TDP2: variants seen among roughly 807,000 people sequenced by gnomAD.
TDP2 encodes tyrosyl-DNA phosphodiesterase 2.
TDP2 carries 38 observed loss-of-function variants against 42.8 expected under a neutral mutation model. The observed-to-expected ratio is 0.89, with a 90% CI of 0.68 to 1.16. The LOEUF (loss-of-function observed/expected upper bound fraction) is 1.16, where lower values mean the gene tolerates loss of function less well. Among genes scored for constraint, TDP2 ranks in the 50% most tolerant of loss-of-function variants. The pLI, the probability that TDP2 is intolerant of heterozygous loss-of-function variation, is 0.00. For missense variants in TDP2, 439 were observed against 439.3 expected (o/e 1.00, Z 0.01); for synonymous variants, 173 against 150.6 (o/e 1.15, Z -1.09).
chr6:24,666,078 GAGT>G (rs1469061318), intron 2 of TDP2: 1 of 1,538,260 alleles, frequency 6.5e-7, no homozygotes, highest in Non-Finnish European at 8.7e-7. Flanking sequence ...GAAATAACAG[GAGT>G]AGGTGTGCAT....
chr6:24,666,146 C>T, intron 2 of TDP2: 5 of 1,550,334 alleles, frequency 3.2e-6, no homozygotes, highest in Non-Finnish European at 4.4e-6. Flanking sequence ...CAGCCTAGGG[C>T]CTAGAATAAA....
rs1178964711 is a variant in TDP2, at chr6:24,666,594, G to C, written c.183C>G (p.Tyr61Ter). 2 of 1,614,206 alleles carry C rather than the reference G, an allele frequency of 1.2e-6. No homozygotes were observed. The highest frequency in any genetic ancestry group is 3.3e-5 in the Admixed American group (2 of 60,028). ...DWEMERALNS[Y>*]FEPPVEESAL... ...CGCTCTCCTCCACCGGAGGCTCGAA[G>C]TAGGAGTTCAGAGCCCTCTGAAAAA... The change falls in exon 2 of 7, where the codon TAC becomes TAG. Residue 61 changes from tyrosine to a stop codon, truncating the protein, a stop_gained. Transcript: ENST00000378198. LOFTEE classifies it high-confidence loss of function.
At chr6:24,652,655 G>C (rs1420822695) in intron 6 of TDP2, among the ~76,000 whole-genome samples, 1 of 147,740 alleles carries the variant, frequency 6.8e-6, no homozygotes, top group African/African-American at 2.6e-5. Flanking sequence ...TTGCACCTAG[G>C]AATACTGCAA....
intron 2 of TDP2, chr6:24,666,172 G>A: frequency 6.4e-7 from 1 of 1,550,538 alleles, no homozygotes; most frequent in Non-Finnish European, 8.7e-7. Context: ...AATACAGGAA[G>A]CAAGGAGACT....
In TDP2 at chr6:24,666,522, T is replaced by C. The variant is rs751468909; in HGVS notation, c.251+4A>G. The C allele has an allele frequency of 2.5e-6, 4 of 1,613,928 alleles. No homozygotes were observed. Among genetic ancestry groups the C allele is most frequent in the Admixed American group, 1.7e-5 (1 of 60,036 alleles). Reference sequence around the variant, plus strand: ...GACTGGCTCCCGCTCCCCTCATCACTTACTAGGTCTTGGGCTCAGAGATGG... The same window carrying C: ...GACTGGCTCCCGCTCCCCTCATCACCTACTAGGTCTTGGGCTCAGAGATGG... On this transcript the variant is annotated splice_donor_region_variant and intron_variant, in intron 2 of 6. Coordinates refer to ENST00000378198, the MANE Select transcript of TDP2 (RefSeq NM_016614.3).
chr6:24,660,314 A>G (rs766100723), intron 2 of TDP2, among the ~76,000 whole-genome samples: 8 of 152,200 alleles, frequency 5.3e-5, no homozygotes, highest in Non-Finnish European at 8.8e-5. Context: ...TTATGCAAAC[A>G]TCATAGAGAG....
Position 24,657,829 on chromosome 6 carries a change from T to C in TDP2, c.500A>G (p.Asn167Ser). 3 of 1,565,328 alleles carry C rather than the reference T, an allele frequency of 1.9e-6. No individual in the cohort carries two copies. The highest frequency in any genetic ancestry group is 2.6e-6 in the Non-Finnish European group (3 of 1,151,004). ...ATTGTTACCTGTAATAATCTCATAA[T>C]TACTTGATCTCTTCTTTAGGTAGCT... ...YYSYLKKRSSNYEIITGHEEG... is the reference protein window; with the variant it reads ...YYSYLKKRSSSYEIITGHEEG... Residue 167 changes from asparagine to serine, a missense_variant, in exon 4 of 7, where the codon AAT becomes AGT. Coordinates refer to ENST00000378198, the MANE Select transcript of TDP2 (RefSeq NM_016614.3).
At chr6:24,652,861 G>T in intron 6 of TDP2, 122 bp downstream of exon 6, 1 of 1,055,916 alleles carries the variant, frequency 9.5e-7, no homozygotes, top group Non-Finnish European at 1.4e-6. Flanking sequence ...TGAATTGCAA[G>T]GTCACTTAAG....
At chr6:24,666,157 T>C (rs1057164915) in intron 2 of TDP2, 11 of 1,550,404 alleles carry the variant, frequency 7.1e-6, no homozygotes, top group East Asian at 4.9e-5. Context: ...CTAGAATAAA[T>C]AAACAATACA....
chr6:24,651,152 C>G, intron 6 of TDP2, 83 bp from the exon 7 acceptor site: 1 of 1,130,472 alleles, frequency 8.8e-7, no homozygotes, highest in Non-Finnish European at 1.2e-6. Flanking sequence ...GGTGTTTTTG[C>G]TATTACCGTG....
chr6:24,663,984 T>G (rs1322021226), intron 2 of TDP2, among the ~76,000 whole-genome samples: 1 of 152,180 alleles, frequency 6.6e-6, no homozygotes, highest in Non-Finnish European at 1.5e-5. Flanking sequence ...CTCTAAAACG[T>G]TGCTGTACAG....
intron 4 of TDP2, among the ~76,000 whole-genome samples, chr6:24,656,809 G>C (rs758701306): frequency 3.3e-5 from 5 of 152,110 alleles, no homozygotes; most frequent in Non-Finnish European, 5.9e-5. Context: ...AATATGCTGG[G>C]ATTCAAAAAC....
chr6:24,659,441 G>A (rs746030127), intron 2 of TDP2, among the ~76,000 whole-genome samples: 4 of 152,144 alleles, frequency 2.6e-5, no homozygotes, highest in Non-Finnish European at 4.4e-5. Context: ...CCTTAACCTT[G>A]GCAAAATAAA....
At chr6:24,652,102 A>G (rs1025708580) in intron 6 of TDP2, among the ~76,000 whole-genome samples, 3 of 152,262 alleles carry the variant, frequency 2.0e-5, no homozygotes, top group African/African-American at 7.2e-5. Flanking sequence ...TAGGAAATTC[A>G]TAAGAGGAAT....
chr6:24,662,131 C>T lies in TDP2; in HGVS notation c.252-3397G>A, dbSNP rs1019635225. 7.9e-5 allele frequency among the ~76,000 whole-genome samples: 12 copies of T among 152,142 alleles called. No homozygotes were observed. In the South Asian group the frequency reaches 1.5e-3, roughly 18 times the overall value. ...TGCGGAAGGCCACATGGACCTCTGC[C>T]CAAGAAAGCCTGGGTATTGTCCAAG... On this transcript the variant is annotated intron_variant, in intron 2 of 6. Coordinates refer to ENST00000378198, the MANE Select transcript of TDP2 (RefSeq NM_016614.3).
rs766640813 is a variant in TDP2 at position 24,650,440 on chromosome 6, T to G, written c.*348A>C. 9.5e-6 allele frequency: 2 copies of G among 211,006 alleles called. No individual in the cohort carries two copies. Among genetic ancestry groups the G allele is most frequent in the Non-Finnish European group, 1.9e-5 (2 of 105,624 alleles). 13.1% of individuals were successfully genotyped at this position (211,006 alleles called of 1,614,324 possible). ...TCTTATGTTTTCTTTTGAAGACTTA[T>G]TTCAAATATTAACTATTTCGGTGCC... On this transcript the variant is annotated 3_prime_UTR_variant, in exon 7 of 7. Transcript: ENST00000378198.
rs114696086 is a variant in TDP2 at position 24,666,275 on chromosome 6, T to C, written c.251+251A>G. On this transcript the variant is annotated intron_variant, in intron 2 of 6. Transcript: ENST00000378198. Reference sequence around the variant, plus strand: ...ATTTCCTTTCATTTGAGTTAAACATTACATTTCCATCTTTTCCTCCCTGGA... The same window carrying C: ...ATTTCCTTTCATTTGAGTTAAACATCACATTTCCATCTTTTCCTCCCTGGA... 14,216 of 1,540,902 alleles carry C rather than the reference T, an allele frequency of 9.2e-3. 95 individuals are homozygous for C. Among genetic ancestry groups the C allele is most frequent in the Middle Eastern group, 0.024 (140 of 5,884 alleles).
At chr6:24,660,057 T>C (rs544423286) in intron 2 of TDP2, among the ~76,000 whole-genome samples, 1 of 152,334 alleles carries the variant, frequency 6.6e-6, no homozygotes, top group Non-Finnish European at 1.5e-5. Context: ...TTATAAACTA[T>C]TCATGAATTT....
chr6:24,664,512 T>C (rs955990846), intron 2 of TDP2, among the ~76,000 whole-genome samples: 3 of 152,126 alleles, frequency 2.0e-5, no homozygotes, highest in African/African-American at 7.2e-5. Context: ...GATTCTAATG[T>C]AGGGGACTAA....
Sources: gnomAD v4.1 joint callset for allele counts (sites outside exome capture counted in the v4.1 genomes callset) on GRCh38, gnomAD v4.1.1 for gene constraint, MANE v1.5 for transcripts, NCBI Gene and HGNC (gene_info 2026-07-23, HGNC 2026-07-21) for gene names.